Variants in BRF1 observed in about 807,000 individuals in gnomAD.
BRF1 encodes BRF1 general transcription factor IIIB subunit.
Under a neutral mutation model 81.7 loss-of-function variants are expected in BRF1, and 59 were observed. That is an observed-to-expected ratio of 0.72 (90% CI 0.59 to 0.90). BRF1 has a LOEUF of 0.90. Among genes scored for constraint, BRF1 ranks in the 40% least tolerant of loss-of-function variants. The probability of loss-of-function intolerance (pLI) is 0.00; values close to 1 mark genes in which losing one functional copy is unlikely to be tolerated. For synonymous variants in BRF1, 491 were observed against 395.6 expected, an observed-to-expected ratio of 1.24 and a Z score of -2.86; for missense variants, 1,050 against 936.3, an observed-to-expected ratio of 1.12 and a Z score of -1.58.
intron 3 of BRF1, among the ~76,000 whole-genome samples, chr14:105,258,460 G>C (rs1281342355): frequency 2.0e-5 from 3 of 149,144 alleles, no homozygotes; most frequent in Non-Finnish European, 3.0e-5. Flanking sequence ...CCGCACTCCA[G>C]CCTGGGCGAC....
At chr14:105,225,106 C>T (rs954585717) in intron 10 of BRF1, among the ~76,000 whole-genome samples, 7 of 152,200 alleles carry the variant, frequency 4.6e-5, no homozygotes, top group African/African-American at 1.4e-4. Flanking sequence ...CATGCACATT[C>T]CCTGGACTGT....
At chr14:105,228,007 A>G (rs1435037964) in intron 7 of BRF1, 1 of 151,886 alleles carries the variant, frequency 6.6e-6, no homozygotes, top group Non-Finnish European at 1.5e-5. Flanking sequence ...GCTGTGAGGA[A>G]CCCCGACAAA....
At position 105,209,653 on chromosome 14, in the gene BRF1, G is replaced by A; in HGVS notation, c.*898C>T. The A allele has an allele frequency of 2.9e-6, 2 of 683,224 alleles. No individual in the cohort carries two copies. Among genetic ancestry groups the A allele is most frequent in the Non-Finnish European group, 2.7e-6 (1 of 373,834 alleles). 42.3% of individuals were successfully genotyped at this position (683,224 alleles called of 1,614,324 possible). On this transcript the variant is annotated 3_prime_UTR_variant, in exon 18 of 18. Coordinates refer to ENST00000547530, the MANE Select transcript of BRF1 (RefSeq NM_001519.4). The stretch of plus-strand genomic sequence containing the variant: ...CCTCCGTCTGCCCTCCCTCCTCGAT[G>A]GGGGGCCTGATCCAGCTCTGACAGG...
In BRF1 at chr14:105,218,994, C is replaced by T; in HGVS notation, c.1515+4G>A. On this transcript the variant is annotated splice_donor_region_variant and intron_variant, in intron 14 of 17. Coordinates refer to ENST00000547530, the MANE Select transcript of BRF1 (RefSeq NM_001519.4). The stretch of plus-strand genomic sequence containing the variant: ...AGGCCAGGCCCAGCGTCACAGGCGC[C>T]CACCTTGTGTTCCTTGTAGATGCCG... 6.2e-7 allele frequency: 1 copy of T among 1,613,864 alleles called. No homozygotes were observed. The highest frequency in any genetic ancestry group is 1.3e-5 in the African/African-American group (1 of 75,066).
rs1243239415 is a variant in BRF1, at chr14:105,271,449, T to C, written c.439+1272A>G. Among the ~76,000 whole-genome samples the C allele has an allele frequency of 6.6e-6, 1 of 152,106 alleles. No homozygotes were observed. Among genetic ancestry groups the C allele is most frequent in the African/African-American group, 2.4e-5 (1 of 41,408 alleles). On this transcript the variant is annotated intron_variant, in intron 3 of 17. Coordinates refer to ENST00000547530, the MANE Select transcript of BRF1 (RefSeq NM_001519.4). The surrounding 1 kb of genome is among the most constrained non-coding windows in gnomAD (Gnocchi z 5.5). Reference sequence around the variant, plus strand: ...AGGGGCGCAGGCTGGGAGGCAGACATGTGGCCGGGCACGCCACGCCCACCA... The same window carrying C: ...AGGGGCGCAGGCTGGGAGGCAGACACGTGGCCGGGCACGCCACGCCCACCA...
chr14:105,303,587 A>G (rs1481473732), upstream of BRF1, among the ~76,000 whole-genome samples: 1 of 152,090 alleles, frequency 6.6e-6, no homozygotes, highest in African/African-American at 2.4e-5. Context: ...TTGATTTAAG[A>G]TCTCTTTTCC....
rs587707579 is a variant in BRF1, at chr14:105,271,479, C to G, written c.439+1242G>C. Among the ~76,000 whole-genome samples the G allele has an allele frequency of 2.2e-3, 332 of 152,312 alleles. 2 individuals carry two copies. The highest frequency in any genetic ancestry group is 7.9e-3 in the African/African-American group (327 of 41,544). Reference sequence around the variant, plus strand: ...CCGGGCACGCCACGCCCACCAGACACAGGGCAGGGAGGGGGACCACCTTCA... The same window carrying G: ...CCGGGCACGCCACGCCCACCAGACAGAGGGCAGGGAGGGGGACCACCTTCA... On this transcript the variant is annotated intron_variant, in intron 3 of 17. Transcript: ENST00000547530. The surrounding 1 kb of genome is among the most constrained non-coding windows in gnomAD (Gnocchi z 5.5).
intron 5 of BRF1, chr14:105,246,833 C>G: frequency 9.1e-6 from 9 of 985,472 alleles, no homozygotes; most frequent in Non-Finnish European, 1.1e-5. Context: ...TTCACATGCT[C>G]CACACCACCA....
At chr14:105,225,394 G>C (rs1479011997) in intron 10 of BRF1, among the ~76,000 whole-genome samples, 1 of 152,170 alleles carries the variant, frequency 6.6e-6, no homozygotes, top group Non-Finnish European at 1.5e-5. Context: ...GGCGGGGTCA[G>C]ACACGCCTCA....
rs1484375567 is a variant in BRF1, at chr14:105,271,641, G to A, written c.439+1080C>T. On this transcript the variant is annotated intron_variant, in intron 3 of 17. Transcript: ENST00000547530. This position sits in a 1 kb window ranked among gnomAD's most constrained non-coding sequence, Gnocchi z 5.5. ...AAGATGCAGGTGCACAGCAGGTGTG[G>A]ACAGCACAGCACAGAGCAGAGGAGG... Among the ~76,000 whole-genome samples, 3 of 152,244 alleles carry A rather than the reference G, an allele frequency of 2.0e-5. No individual in the cohort carries two copies. The highest frequency in any genetic ancestry group is 4.4e-5 in the Non-Finnish European group (3 of 68,040).
At chr14:105,245,780 G>A (rs911224550) in intron 5 of BRF1, among the ~76,000 whole-genome samples, 1 of 151,028 alleles carries the variant, frequency 6.6e-6, no homozygotes, top group Non-Finnish European at 1.5e-5. Context: ...ACTCAAAACC[G>A]ATGCAAGACC....
At chr14:105,289,702 C>T (rs766567461) in intron 1 of BRF1, among the ~76,000 whole-genome samples, 85 of 152,222 alleles carry the variant, frequency 5.6e-4, no homozygotes, top group Non-Finnish European at 9.9e-4. Context: ...GTGGTGCGAT[C>T]TCGGCTCACT....
At chr14:105,263,644 G>A (rs1178693650) in intron 3 of BRF1, among the ~76,000 whole-genome samples, 1 of 152,092 alleles carries the variant, frequency 6.6e-6, no homozygotes, top group Non-Finnish European at 1.5e-5. Flanking sequence ...TTAAATTCCC[G>A]GCCGGGCGCG....
chr14:105,247,900 T>G (rs1192549306), intron 5 of BRF1: 3 of 985,464 alleles, frequency 3.0e-6, no homozygotes, highest in African/African-American at 3.5e-5. Context: ...CTCCCAGGAT[T>G]AGCCCCAGGC....
At chr14:105,290,249 G>A (rs749404000) in intron 1 of BRF1, among the ~76,000 whole-genome samples, 1 of 151,958 alleles carries the variant, frequency 6.6e-6, no homozygotes, top group East Asian at 1.9e-4. Flanking sequence ...GAGAAACCCC[G>A]TGTCTACTAA....
upstream of BRF1, among the ~76,000 whole-genome samples, chr14:105,301,851 G>GCGTA (rs1193742688): frequency 2.6e-5 from 4 of 152,338 alleles, no homozygotes; most frequent in African/African-American, 9.6e-5. Context: ...AAAAAGAAAT[G>GCGTA]CGTAACCAGG....
chr14:105,229,501 G>A (rs1027957091), intron 6 of BRF1, among the ~76,000 whole-genome samples: 14 of 152,186 alleles, frequency 9.2e-5, no homozygotes, highest in African/African-American at 1.7e-4. Flanking sequence ...GCCGACCTGG[G>A]GCTCCAATTC....
intron 5 of BRF1, chr14:105,249,826 G>A (rs1281349378): frequency 6.2e-6 from 10 of 1,613,372 alleles, no homozygotes; most frequent in Non-Finnish European, 1.7e-6. Flanking sequence ...CCGAGCTGAC[G>A]CAGCGCTGCT....
chr14:105,228,397 A>G (rs1385938616), intron 7 of BRF1: 1 of 158,422 alleles, frequency 6.3e-6, no homozygotes, highest in Non-Finnish European at 1.4e-5. Flanking sequence ...CTAAAAAATT[A>G]GCCAGGCGTG....
Sources: allele counts gnomAD v4.1 joint callset (sites outside exome capture counted in the v4.1 genomes callset), GRCh38; gene constraint gnomAD v4.1.1; non-coding constraint Gnocchi (gnomAD v3.1); transcripts MANE v1.5; gene names NCBI Gene and HGNC (gene_info 2026-07-23, HGNC 2026-07-21).